Variants in ZNF804A observed in about 807,000 individuals in gnomAD.
ZNF804A encodes the protein zinc finger protein 804A.
Under a neutral mutation model 16.5 loss-of-function variants are expected in ZNF804A, and 2 were observed. The observed-to-expected ratio is 0.12, with a 90% CI of 0.05 to 0.38. ZNF804A has a LOEUF of 0.38. Ranked by LOEUF, ZNF804A falls within the 10% of genes least tolerant of loss-of-function variation. ZNF804A has a pLI of 0.99. For synonymous variants in ZNF804A, 534 were observed against 489.6 expected (o/e 1.09, Z -1.20); for missense variants, 1,473 against 1,390.7 (o/e 1.06, Z -0.94).
At chr2:184,677,341 C>T (rs572804814) in intron 1 of ZNF804A, among the ~76,000 whole-genome samples, 3 of 151,890 alleles carry the variant, frequency 2.0e-5, no homozygotes, top group Non-Finnish European at 4.4e-5. Context: ...GAGATCATTT[C>T]CTCCTGTTTA....
chr2:184,725,115 AT>A (rs535852408), intron 1 of ZNF804A, among the ~76,000 whole-genome samples: 1 of 151,634 alleles, frequency 6.6e-6, no homozygotes, highest in South Asian at 2.1e-4. Flanking sequence ...CTGCATATTG[AT>A]TTGCCTGTTA....
In ZNF804A at chr2:184,667,848, C is replaced by A. The variant is rs139624526; in HGVS notation, c.111+68778C>A. 1.5e-3 allele frequency among the ~76,000 whole-genome samples: 227 copies of A among 151,878 alleles called. 2 individuals are homozygous for A. Among genetic ancestry groups the A allele is most frequent in the African/African-American group, 4.8e-3 (201 of 41,514 alleles). Reference sequence around the variant, plus strand: ...TTATTTAAAATTTCTAAATAGCTATCATATAATGTATCTAACCAAAATAAA... The same window carrying A: ...TTATTTAAAATTTCTAAATAGCTATAATATAATGTATCTAACCAAAATAAA... On this transcript the variant is annotated intron_variant, in intron 1 of 3. Transcript: ENST00000302277.
chr2:184,684,210 C>A (rs947763787), intron 1 of ZNF804A, among the ~76,000 whole-genome samples: 1 of 152,106 alleles, frequency 6.6e-6, no homozygotes, highest in Non-Finnish European at 1.5e-5. Context: ...TCCAGGAAGA[C>A]AGAAAAATAA....
At chr2:184,773,073 C>T in intron 1 of ZNF804A, among the ~76,000 whole-genome samples, 1 of 148,854 alleles carries the variant, frequency 6.7e-6, no homozygotes, top group Non-Finnish European at 1.5e-5. Flanking sequence ...CACACACATA[C>T]ATGTATATTT....
At chr2:184,643,536 A>G (rs1279351260) in intron 1 of ZNF804A, among the ~76,000 whole-genome samples, 1 of 151,984 alleles carries the variant, frequency 6.6e-6, no homozygotes, top group Non-Finnish European at 1.5e-5. Context: ...AATCTATTTT[A>G]CTATACAATT....
intron 2 of ZNF804A, among the ~76,000 whole-genome samples, chr2:184,916,336 T>C (rs1387150078): frequency 6.6e-6 from 1 of 152,150 alleles, no homozygotes; most frequent in Non-Finnish European, 1.5e-5. Flanking sequence ...TTGTTATTAA[T>C]CTAAATATAT....
chr2:184,633,112 T>C (rs1402100270), intron 1 of ZNF804A, among the ~76,000 whole-genome samples: 1 of 152,120 alleles, frequency 6.6e-6, no homozygotes, highest in Non-Finnish European at 1.5e-5. Flanking sequence ...TGGCCCCAAA[T>C]CTTAGTTTAT....
chr2:184,833,280 A>G (rs1233948192), intron 1 of ZNF804A, among the ~76,000 whole-genome samples: 1 of 152,004 alleles, frequency 6.6e-6, no homozygotes, highest in Non-Finnish European at 1.5e-5. Context: ...ATTATTATCT[A>G]TCACCACTTA....
rs1487123695 is a variant in ZNF804A at position 184,729,720 on chromosome 2, CTA to C, written c.111+130652_111+130653del. 5.3e-5 allele frequency among the ~76,000 whole-genome samples: 8 copies of C among 152,192 alleles called. No individual in the cohort carries two copies. The East Asian group carries it at 1.4e-3, about 26-fold the overall frequency. ...GTTACTGACACGTTTTTCCTCAACT[CTA>C]TGTATTTATGTAGCACTTATTACTA... On this transcript the variant is annotated intron_variant, in intron 1 of 3. Transcript: ENST00000302277.
chr2:184,608,666 C>CTGGAT (rs1316589421), intron 1 of ZNF804A, among the ~76,000 whole-genome samples: 1 of 152,158 alleles, frequency 6.6e-6, no homozygotes, highest in Non-Finnish European at 1.5e-5. Context: ...CAGACAAGCT[C>CTGGAT]CTACCCATCA....
At chr2:184,790,504 T>G (rs1694521697) in intron 1 of ZNF804A, among the ~76,000 whole-genome samples, 1 of 152,106 alleles carries the variant, frequency 6.6e-6, no homozygotes, top group Non-Finnish European at 1.5e-5. Context: ...AGTATTTGTT[T>G]TATGGATCCA....
intron 2 of ZNF804A, among the ~76,000 whole-genome samples, chr2:184,885,358 T>C (rs1417698189): frequency 6.6e-6 from 1 of 152,186 alleles, no homozygotes; most frequent in African/African-American, 2.4e-5. Context: ...CAAAGGAATA[T>C]AAACCTTCTA....
intron 1 of ZNF804A, among the ~76,000 whole-genome samples, chr2:184,677,399 C>A (rs1191361524): frequency 6.6e-6 from 1 of 151,830 alleles, no homozygotes; most frequent in Non-Finnish European, 1.5e-5. Context: ...GGGTAAATTG[C>A]TCAATTCTTG....
At chr2:184,809,769 T>C (rs1694864083) in intron 1 of ZNF804A, among the ~76,000 whole-genome samples, 1 of 152,048 alleles carries the variant, frequency 6.6e-6, no homozygotes, top group Admixed American at 6.6e-5. Flanking sequence ...TATATGTGTA[T>C]ATATGTTTAT....
chr2:184,895,870 C>T (rs1284718765), intron 2 of ZNF804A, among the ~76,000 whole-genome samples: 1 of 152,114 alleles, frequency 6.6e-6, no homozygotes, highest in African/African-American at 2.4e-5. Flanking sequence ...TTTTGCTATG[C>T]ATTTTAGTCT....
rs567746692 is a variant in ZNF804A, at chr2:184,726,581, T to C, written c.111+127511T>C. ...AGTTAAGAAGCATTTCAAATTGTCATGAGAAAATAAATAATTACATAAATG... is the reference window on the plus strand; with the variant it reads ...AGTTAAGAAGCATTTCAAATTGTCACGAGAAAATAAATAATTACATAAATG... On this transcript the variant is annotated intron_variant, in intron 1 of 3. Coordinates refer to ENST00000302277, the MANE Select transcript of ZNF804A (RefSeq NM_194250.2). Among the ~76,000 whole-genome samples, 73 of 151,688 alleles carry C rather than the reference T, an allele frequency of 4.8e-4. 1 individual carries two copies. Among genetic ancestry groups the C allele is most frequent in the African/African-American group, 1.6e-3 (67 of 41,500 alleles).
At chr2:184,864,200 G>A (rs549476330) in intron 1 of ZNF804A, among the ~76,000 whole-genome samples, 5 of 152,274 alleles carry the variant, frequency 3.3e-5, no homozygotes, top group African/African-American at 9.6e-5. Flanking sequence ...ATAATGGAAG[G>A]GGAAGGGGAG....
At chr2:184,721,351 C>A (rs1464671617) in intron 1 of ZNF804A, among the ~76,000 whole-genome samples, 1 of 151,996 alleles carries the variant, frequency 6.6e-6, no homozygotes, top group African/African-American at 2.4e-5. Flanking sequence ...ATTCATCTAA[C>A]AAGGGACTAA....
At chr2:184,778,077 A>G (rs1045391713) in intron 1 of ZNF804A, among the ~76,000 whole-genome samples, 5 of 151,684 alleles carry the variant, frequency 3.3e-5, no homozygotes, top group African/African-American at 1.2e-4. Context: ...GAATAAAAAT[A>G]TGTACCCTTT....
Sources: gnomAD v4.1 joint callset for allele counts (sites outside exome capture counted in the v4.1 genomes callset) on GRCh38, gnomAD v4.1.1 for gene constraint, MANE v1.5 for transcripts, NCBI Gene and HGNC (gene_info 2026-07-23, HGNC 2026-07-21) for gene names.